PDE4B: variants seen among roughly 807,000 people sequenced by gnomAD.
PDE4B encodes the protein phosphodiesterase 4B.
A neutral mutation model predicts 82.2 loss-of-function variants in PDE4B; 20 were observed. The observed-to-expected ratio is 0.24, with a 90% CI of 0.17 to 0.35. The LOEUF (loss-of-function observed/expected upper bound fraction) is 0.35, where lower values mean the gene tolerates loss of function less well. PDE4B is among the 10% of genes least tolerant of loss of function. PDE4B has a pLI of 1.00. For missense variants in PDE4B, 655 were observed against 907.2 expected, an observed-to-expected ratio of 0.72 and a Z score of 3.57; for synonymous variants, 320 against 318.9, an observed-to-expected ratio of 1.00 and a Z score of -0.04.
intron 8 of PDE4B, chr1:66,354,875 T>C: frequency 6.5e-7 from 1 of 1,535,768 alleles, no homozygotes; most frequent in Non-Finnish European, 8.7e-7. Context: ...TTGTTATCTG[T>C]ATCTTGGGGT....
intron 3 of PDE4B, among the ~76,000 whole-genome samples, chr1:66,177,823 A>G (rs1158224173): frequency 6.6e-6 from 1 of 152,160 alleles, no homozygotes; most frequent in Non-Finnish European, 1.5e-5. Flanking sequence ...TAAAGGTGGG[A>G]TCATCATGGT....
chr1:66,077,453 T>C (rs575584798), intron 3 of PDE4B, among the ~76,000 whole-genome samples: 44 of 152,296 alleles, frequency 2.9e-4, no homozygotes, highest in African/African-American at 1.1e-3. Flanking sequence ...TATTTATTTA[T>C]GAACTTGATT....
intron 1 of PDE4B, among the ~76,000 whole-genome samples, chr1:65,898,617 C>T (rs1259432557): frequency 1.3e-5 from 2 of 152,028 alleles, no homozygotes; most frequent in African/African-American, 4.8e-5. Context: ...TAAAAATAGG[C>T]ACACAGGCCA....
intron 3 of PDE4B, among the ~76,000 whole-genome samples, chr1:65,922,567 G>T (rs1227293185): frequency 6.6e-6 from 1 of 152,156 alleles, no homozygotes; most frequent in Non-Finnish European, 1.5e-5. Flanking sequence ...TTGCATAGAT[G>T]CTAGACCTGG....
At chr1:66,144,930 G>T (rs1646240466) in intron 3 of PDE4B, among the ~76,000 whole-genome samples, 1 of 152,144 alleles carries the variant, frequency 6.6e-6, no homozygotes, top group Admixed American at 6.5e-5. Flanking sequence ...ACTTCCAAAA[G>T]TTCCCATCTC....
At chr1:66,341,908 T>C (rs1467979756) in intron 8 of PDE4B, among the ~76,000 whole-genome samples, 1 of 152,210 alleles carries the variant, frequency 6.6e-6, no homozygotes, top group African/African-American at 2.4e-5. Flanking sequence ...TTCTAGACTC[T>C]TGAGTCATAT....
intron 3 of PDE4B, among the ~76,000 whole-genome samples, chr1:66,233,135 G>A (rs1174463883): frequency 6.6e-6 from 1 of 151,832 alleles, no homozygotes; most frequent in Non-Finnish European, 1.5e-5. Context: ...ACCTCTCCCT[G>A]ACACCACCCC....
chr1:66,276,496 G>A (rs773526374), intron 7 of PDE4B, among the ~76,000 whole-genome samples: 1 of 152,218 alleles, frequency 6.6e-6, no homozygotes, highest in Non-Finnish European at 1.5e-5. Context: ...GCAAGAAAGC[G>A]AAGTGACTGG....
At chr1:65,935,937 C>T (rs74952741) in intron 3 of PDE4B, among the ~76,000 whole-genome samples, 1 of 151,292 alleles carries the variant, frequency 6.6e-6, no homozygotes, top group Non-Finnish European at 1.5e-5. Context: ...AATTCTGTCT[C>T]AAAAAAAACA....
intron 3 of PDE4B, among the ~76,000 whole-genome samples, chr1:66,002,661 C>T (rs1046868219): frequency 5.9e-5 from 9 of 151,764 alleles, no homozygotes; most frequent in Non-Finnish European, 1.2e-4. Flanking sequence ...ATAATTTTGA[C>T]GTTGTCTGGA....
intron 1 of PDE4B, among the ~76,000 whole-genome samples, chr1:65,857,453 G>T (rs571511228): frequency 6.6e-6 from 1 of 152,024 alleles, no homozygotes; most frequent in African/African-American, 2.4e-5. Context: ...TAGAGCCAGG[G>T]TCTTGTAGTT....
Position 66,002,528 on chromosome 1 carries a change from AT to A in PDE4B, c.281+83697del, listed in dbSNP as rs1287220931. Among the ~76,000 whole-genome samples, 11 of 152,030 alleles carry A rather than the reference AT, an allele frequency of 7.2e-5. No individual in the cohort carries two copies. In the East Asian group the frequency reaches 1.9e-3, roughly 27 times the overall value. ...AAGAGATGATGTCTATAAGATTCAA[AT>A]TTTCTTCCTCAAGAAGGAAGTTTTT... is the stretch of plus-strand genomic sequence containing the variant. On this transcript the variant is annotated intron_variant, in intron 3 of 16. Coordinates refer to ENST00000341517, the MANE Select transcript of PDE4B (RefSeq NM_002600.4).
rs965989850 is a variant in PDE4B, at chr1:66,120,422, G to A, written c.282-127038G>A. Among the ~76,000 whole-genome samples the A allele has an allele frequency of 2.6e-5, 4 of 152,104 alleles. No individual in the cohort carries two copies. In the South Asian group the frequency reaches 8.3e-4, roughly 32 times the overall value. Reference sequence around the variant, plus strand: ...TGATGTCAAGAATTAGAGGAAAGACGTGCTGTGTCTCATACATCATGGATC... The same window carrying A: ...TGATGTCAAGAATTAGAGGAAAGACATGCTGTGTCTCATACATCATGGATC... On this transcript the variant is annotated intron_variant, in intron 3 of 16. Coordinates refer to ENST00000341517, the MANE Select transcript of PDE4B (RefSeq NM_002600.4).
intron 3 of PDE4B, among the ~76,000 whole-genome samples, chr1:66,026,185 C>T (rs1423364144): frequency 6.6e-6 from 1 of 152,186 alleles, no homozygotes; most frequent in Non-Finnish European, 1.5e-5. Context: ...GACAGTGTTT[C>T]CTCAAGAGGT....
chr1:66,335,811 G>A (rs150974358), intron 8 of PDE4B, among the ~76,000 whole-genome samples: 3 of 152,300 alleles, frequency 2.0e-5, no homozygotes, highest in Non-Finnish European at 4.4e-5. Context: ...GCCCAAATTC[G>A]ATTAGACATG....
chr1:66,215,273 G>C (rs1029370644), intron 3 of PDE4B, among the ~76,000 whole-genome samples: 13 of 152,154 alleles, frequency 8.5e-5, no homozygotes, highest in Middle Eastern at 3.2e-3. Flanking sequence ...ATATAGTTTT[G>C]AAAGTCAGTG....
intron 7 of PDE4B, among the ~76,000 whole-genome samples, chr1:66,317,569 T>G (rs1011351599): frequency 2.1e-5 from 3 of 145,418 alleles, no homozygotes; most frequent in African/African-American, 5.3e-5. Flanking sequence ...AGAAAAACTG[T>G]TTTTTTTTTT....
intron 1 of PDE4B, among the ~76,000 whole-genome samples, chr1:65,862,936 T>C (rs914859581): frequency 6.6e-6 from 1 of 152,228 alleles, no homozygotes; most frequent in African/African-American, 2.4e-5. Flanking sequence ...TTGATTCTTC[T>C]CTCTTTTCTT....
intron 3 of PDE4B, among the ~76,000 whole-genome samples, chr1:65,993,546 C>T (rs751008906): frequency 5.3e-5 from 8 of 152,122 alleles, no homozygotes; most frequent in East Asian, 3.9e-4. Context: ...GTGTTTTAAT[C>T]TTAGTTCTAA....
Sources: allele counts gnomAD v4.1 joint callset (sites outside exome capture counted in the v4.1 genomes callset), GRCh38; gene constraint gnomAD v4.1.1; transcripts MANE v1.5; gene names NCBI Gene and HGNC (gene_info 2026-07-23, HGNC 2026-07-21).